The following SPATA17 variants were observed in gnomAD, a reference collection of about 807,000 sequenced individuals.
The protein encoded by SPATA17 is spermatogenesis associated 17, also known as spermatogenesis-associated protein 17.
Under a neutral mutation model 62.2 loss-of-function variants are expected in SPATA17, and 53 were observed. The observed-to-expected ratio is 0.85, with a 90% CI of 0.68 to 1.07. The LOEUF (loss-of-function observed/expected upper bound fraction) is 1.07, where lower values mean the gene tolerates loss of function less well. Ranked by LOEUF, SPATA17 falls within the 50% of genes least tolerant of loss-of-function variation. The pLI is 0.00. For synonymous variants in SPATA17, 146 were observed against 146.8 expected (o/e 0.99, Z 0.04); for missense variants, 466 against 425.5 (o/e 1.10, Z -0.84).
chr1:217,678,130 A>G (rs1471250904), intron 4 of SPATA17, among the ~76,000 whole-genome samples: 1 of 151,716 alleles, frequency 6.6e-6, no homozygotes. Context: ...GCTCTCATAT[A>G]CATTTAGAGC....
intron 4 of SPATA17, among the ~76,000 whole-genome samples, chr1:217,677,402 A>G (rs1197640393): frequency 6.6e-6 from 1 of 152,112 alleles, no homozygotes; most frequent in Non-Finnish European, 1.5e-5. Context: ...CTATTTTCAT[A>G]TTTATAATAC....
chr1:217,790,468 T>C (rs1673969723), intron 8 of SPATA17, among the ~76,000 whole-genome samples: 1 of 151,734 alleles, frequency 6.6e-6, no homozygotes, highest in Non-Finnish European at 1.5e-5. Context: ...TGAGACAGAG[T>C]CTTGCTCTGT....
chr1:217,748,113 C>A (rs1321568888), intron 6 of SPATA17, among the ~76,000 whole-genome samples: 4 of 151,668 alleles, frequency 2.6e-5, no homozygotes, highest in Non-Finnish European at 5.9e-5. Flanking sequence ...ATAATCCTGG[C>A]TAACACAGTG....
intron 8 of SPATA17, among the ~76,000 whole-genome samples, chr1:217,789,783 C>T (rs528328480): frequency 3.3e-5 from 5 of 152,154 alleles, no homozygotes; most frequent in Admixed American, 6.5e-5. Context: ...ACCTGTGATC[C>T]TAGCACTTTG....
At chr1:217,651,032 A>G in intron 2 of SPATA17, 65 bp from the exon 3 acceptor site, 1 of 1,250,718 alleles carries the variant, frequency 8.0e-7, no homozygotes. Context: ...AGAGTATTTT[A>G]ACAAAGATTT....
At chr1:217,768,090 A>C (rs1673347173) in intron 6 of SPATA17, among the ~76,000 whole-genome samples, 1 of 152,004 alleles carries the variant, frequency 6.6e-6, no homozygotes, top group African/African-American at 2.4e-5. Context: ...ACTAAAATAC[A>C]AAAAATTAGC....
At chr1:217,770,978 ATTTTTTTTTTTTTTT>A (rs374042087) in intron 6 of SPATA17, among the ~76,000 whole-genome samples, 4 of 50,164 alleles carry the variant, frequency 8.0e-5, no homozygotes, top group South Asian at 2.0e-3. Context: ...AACTCATTGC[ATTTTTTTTTTTTTTT>A]TTTTTTTTTT....
intron 9 of SPATA17, among the ~76,000 whole-genome samples, chr1:217,823,426 C>T (rs372336389): frequency 1.1e-4 from 17 of 151,946 alleles, no homozygotes; most frequent in Admixed American, 3.9e-4. Flanking sequence ...ATATAGGGCT[C>T]TCTAGTTTAA....
chr1:217,702,215 C>T (rs1157689515), intron 5 of SPATA17, among the ~76,000 whole-genome samples: 1 of 152,006 alleles, frequency 6.6e-6, no homozygotes, highest in Non-Finnish European at 1.5e-5. Flanking sequence ...TATTTGTACA[C>T]ATAGATTTTG....
At chr1:217,837,361 T>A (rs1675284428) in intron 9 of SPATA17, among the ~76,000 whole-genome samples, 1 of 152,042 alleles carries the variant, frequency 6.6e-6, no homozygotes, top group Non-Finnish European at 1.5e-5. Context: ...TACTAAACAA[T>A]CAGAATGGAC....
chr1:217,718,810 G>C (rs890028528), intron 5 of SPATA17, among the ~76,000 whole-genome samples: 4 of 152,048 alleles, frequency 2.6e-5, no homozygotes, highest in Non-Finnish European at 5.9e-5. Context: ...CACCCAAATT[G>C]GTTGTTTTGG....
chr1:217,745,706 T>G (rs1388036427), intron 6 of SPATA17, among the ~76,000 whole-genome samples: 2 of 152,084 alleles, frequency 1.3e-5, no homozygotes, highest in Non-Finnish European at 2.9e-5. Context: ...GCTAGGACTT[T>G]AGTATATATA....
At chr1:217,649,825 C>G (rs953859350) in intron 2 of SPATA17, among the ~76,000 whole-genome samples, 3 of 151,170 alleles carry the variant, frequency 2.0e-5, no homozygotes, top group African/African-American at 7.3e-5. Flanking sequence ...GAAAATATGC[C>G]TACTCCATAA....
chr1:217,667,028 G>A (rs1343486611), intron 3 of SPATA17, among the ~76,000 whole-genome samples: 1 of 148,776 alleles, frequency 6.7e-6, no homozygotes, highest in African/African-American at 2.5e-5. Flanking sequence ...TATACTTTTT[G>A]GAATTTTACT....
intron 9 of SPATA17, among the ~76,000 whole-genome samples, chr1:217,818,850 T>C (rs1250957378): frequency 6.6e-6 from 1 of 151,062 alleles, no homozygotes; most frequent in Non-Finnish European, 1.5e-5. Flanking sequence ...TTAACCCTTT[T>C]CTCTCTCACC....
At chr1:217,663,426 C>G (rs1016874152) in intron 3 of SPATA17, among the ~76,000 whole-genome samples, 5 of 146,194 alleles carry the variant, frequency 3.4e-5, no homozygotes, top group African/African-American at 1.3e-4. Context: ...GCCTGGGCAA[C>G]AAGAGTGAAA....
At chr1:217,721,704 C>T (rs1047182056) in intron 5 of SPATA17, among the ~76,000 whole-genome samples, 2 of 152,110 alleles carry the variant, frequency 1.3e-5, no homozygotes, top group South Asian at 4.2e-4. Flanking sequence ...AACTTTGGTC[C>T]TTCTAGATGA....
In SPATA17 at chr1:217,826,972, T is replaced by C. The variant is rs181283689; in HGVS notation, c.1005+25122T>C. 1.8e-3 allele frequency among the ~76,000 whole-genome samples: 268 copies of C among 152,194 alleles called. 1 individual carries two copies. The highest frequency in any genetic ancestry group is 2.1e-3 in the Non-Finnish European group (141 of 67,970). On this transcript the variant is annotated intron_variant, in intron 9 of 10. Transcript: ENST00000366933. ...GGTAAACAGCATACGCTTTAGCTTT[T>C]ATTATATTTAGTGATCTTTTTTATG...
intron 5 of SPATA17, among the ~76,000 whole-genome samples, chr1:217,738,788 C>A (rs1401678877): frequency 2.0e-5 from 3 of 152,188 alleles, no homozygotes; most frequent in Non-Finnish European, 4.4e-5. Flanking sequence ...ACTATCTCTA[C>A]TAAAAATACA....
Sources: allele counts gnomAD v4.1 joint callset (sites outside exome capture counted in the v4.1 genomes callset), GRCh38; gene constraint gnomAD v4.1.1; transcripts MANE v1.5; gene names NCBI Gene and HGNC (gene_info 2026-07-23, HGNC 2026-07-21).